ZNF713: variants seen among roughly 807,000 people sequenced by gnomAD.
ZNF713 encodes zinc finger protein 713.
In ZNF713, 21 loss-of-function variants were observed where a neutral mutation model predicts 28.7. That is an observed-to-expected ratio of 0.73 (90% CI 0.52 to 1.05). The LOEUF is 1.05. Ranked by LOEUF, ZNF713 falls within the 50% of genes least tolerant of loss-of-function variation. The pLI is 0.00. For missense variants in ZNF713, 458 were observed against 532.4 expected (o/e 0.86, Z 1.37); for synonymous variants, 167 against 178.0 (o/e 0.94, Z 0.49).
At chr7:55,905,916 A>G (rs1785669636) in intron 1 of ZNF713, among the ~76,000 whole-genome samples, 1 of 151,936 alleles carries the variant, frequency 6.6e-6, no homozygotes, top group Non-Finnish European at 1.5e-5. Context: ...ATCCTGGCCA[A>G]CATGATGAAA....
intron 6 of ZNF713, among the ~76,000 whole-genome samples, chr7:55,933,161 C>G (rs1300322468): frequency 1.3e-5 from 2 of 151,154 alleles, no homozygotes; most frequent in African/African-American, 4.9e-5. Flanking sequence ...AATTTAAACC[C>G]AGGAGGCAGA....
At chr7:55,919,314 G>A (rs1040119022) in intron 4 of ZNF713, among the ~76,000 whole-genome samples, 1 of 152,230 alleles carries the variant, frequency 6.6e-6, no homozygotes, top group Middle Eastern at 3.4e-3. Flanking sequence ...GAAGGATCCA[G>A]GGCAATGCCT....
At chr7:55,897,563 A>G (rs1785496893) in intron 1 of ZNF713, among the ~76,000 whole-genome samples, 1 of 152,124 alleles carries the variant, frequency 6.6e-6, no homozygotes, top group South Asian at 2.1e-4. Flanking sequence ...TTACAAGCAT[A>G]CAAGCATGAG....
At position 55,939,322 on chromosome 7, in the gene ZNF713, C is replaced by G. The variant is rs769949326; in HGVS notation, c.648C>G (p.Ile216Met). The change falls in exon 7 of 7, where the codon ATC becomes ATG. Residue 216 changes from isoleucine to methionine, a missense_variant. Transcript: ENST00000429591. ...PLNSDTQGNS[I>M]KHNSDLIYYQ... ...ATTCTGACACACAGGGAAACAGCAT[C>G]AAACATAATTCAGACTTGATTTACT... 13 of 1,614,078 alleles carry G rather than the reference C, an allele frequency of 8.1e-6. No homozygotes were observed. The highest frequency in any genetic ancestry group is 1.1e-5 in the Non-Finnish European group (13 of 1,179,994).
In ZNF713 at chr7:55,936,264, C is replaced by CAAAAA. The variant is rs5884432; in HGVS notation, c.308-2705_308-2701dup. Among the ~76,000 whole-genome samples the CAAAAA allele has an allele frequency of 3.6e-4, 47 of 130,682 alleles. No homozygotes were observed. In the East Asian group the frequency reaches 5.2e-3, roughly 14 times the overall value. The allele number at this position is 130,682 out of a possible 152,430, so 85.7% of individuals were successfully genotyped here. A position where few individuals can be genotyped will look rare whatever the true frequency, so the allele number is the denominator to read the frequency against. The stretch of plus-strand genomic sequence containing the variant: ...TGGGCAACAGAATGAGACTCTGTCC[C>CAAAAA]AAAAAAAAAAAAAAAAATCTGAGAG... On this transcript the variant is annotated intron_variant, in intron 6 of 6. Coordinates refer to ENST00000429591, the MANE Select transcript of ZNF713 (RefSeq NM_182633.3).
chr7:55,887,730 GGA>G (rs1562731008), intron 1 of ZNF713, 50 bp downstream of exon 1: 294 of 5,764 alleles, frequency 0.051, 81 homozygotes, highest in African/African-American at 0.25. Context: ...GGCGGGGGGC[GGA>G]GGCGGGGGGC....
At chr7:55,893,754 A>G (rs1208927863) in intron 1 of ZNF713, among the ~76,000 whole-genome samples, 3 of 151,862 alleles carry the variant, frequency 2.0e-5, no homozygotes, top group Non-Finnish European at 4.4e-5. Context: ...TAATTTTTAT[A>G]TTTTTAGTAG....
At chr7:55,914,869 T>TTTTA (rs201054024) in intron 4 of ZNF713, among the ~76,000 whole-genome samples, 6,166 of 152,264 alleles carry the variant, frequency 0.04, 145 homozygotes, top group Admixed American at 0.058. Context: ...ATTTTATTTT[T>TTTTA]TTTGAGACAG....
intron 1 of ZNF713, among the ~76,000 whole-genome samples, chr7:55,899,006 T>G (rs1785522805): frequency 1.3e-5 from 2 of 152,114 alleles, no homozygotes; most frequent in South Asian, 4.1e-4. Context: ...ATGCACTGTT[T>G]GTGGGAATGT....
chr7:55,889,709 A>G (rs1279926122), intron 1 of ZNF713, among the ~76,000 whole-genome samples: 1 of 151,982 alleles, frequency 6.6e-6, no homozygotes, highest in East Asian at 1.9e-4. Flanking sequence ...CCAAAAAAGC[A>G]GTTTAATTTG....
intron 4 of ZNF713, among the ~76,000 whole-genome samples, chr7:55,917,718 GAAAA>G (rs1161130463): frequency 6.8e-6 from 1 of 146,016 alleles, no homozygotes; most frequent in Non-Finnish European, 1.5e-5. Flanking sequence ...AAAAAAAAAA[GAAAA>G]AAAATTTTAA....
intron 4 of ZNF713, among the ~76,000 whole-genome samples, chr7:55,919,945 G>GAA (rs768766375): frequency 6.6e-5 from 10 of 151,994 alleles, no homozygotes; most frequent in Non-Finnish European, 1.5e-4. Context: ...TACATGCTAT[G>GAA]AACAGCACTC....
intron 2 of ZNF713, among the ~76,000 whole-genome samples, chr7:55,908,135 GTTTTTTTTTTTTTT>G (rs71015120): frequency 0.084 from 4,610 of 54,952 alleles, 275 homozygotes; most frequent in African/African-American, 0.24. Context: ...ATCCGTTGTT[GTTTTTTTTTTTTTT>G]TTTTTTTTTT....
intron 6 of ZNF713, among the ~76,000 whole-genome samples, chr7:55,927,274 C>T (rs921216209): frequency 1.3e-5 from 2 of 152,154 alleles, no homozygotes; most frequent in African/African-American, 2.4e-5. Context: ...CAGTGGCTCA[C>T]GCCTAGCACT....
chr7:55,923,897 T>G (rs1021289306), intron 6 of ZNF713, 198 bp downstream of exon 6: 9 of 404,870 alleles, frequency 2.2e-5, no homozygotes, highest in South Asian at 3.8e-5. Context: ...TAATATACAC[T>G]TATATTGTTT....
At position 55,908,717 on chromosome 7, in the gene ZNF713, G is replaced by A. The variant is rs539263704; in HGVS notation, c.-456+2338G>A. Among the ~76,000 whole-genome samples, 10 of 152,098 alleles carry A rather than the reference G, an allele frequency of 6.6e-5. No individual in the cohort carries two copies. In the East Asian group the frequency reaches 9.7e-4, roughly 15 times the overall value. ...CTGTGTTGAAAATTTCTTTTGCAGTGCAGAAACTTCTTAAGTCCCAGTTCT... is the reference window on the plus strand; with the variant it reads ...CTGTGTTGAAAATTTCTTTTGCAGTACAGAAACTTCTTAAGTCCCAGTTCT... On this transcript the variant is annotated intron_variant, in intron 2 of 6. Coordinates refer to ENST00000429591, the MANE Select transcript of ZNF713 (RefSeq NM_182633.3).
chr7:55,938,068 A>G (rs1292846750), intron 6 of ZNF713, among the ~76,000 whole-genome samples: 2 of 151,992 alleles, frequency 1.3e-5, no homozygotes, highest in Non-Finnish European at 2.9e-5. Context: ...GCTGGGTGTG[A>G]TGGTACATAC....
intron 4 of ZNF713, among the ~76,000 whole-genome samples, chr7:55,917,885 A>G (rs931593266): frequency 1.5e-4 from 23 of 152,186 alleles, no homozygotes; most frequent in African/African-American, 5.5e-4. Flanking sequence ...GATATTTTCC[A>G]CAAGTATAAC....
chr7:55,929,966 A>G (rs1281896116), intron 6 of ZNF713, among the ~76,000 whole-genome samples: 1 of 152,182 alleles, frequency 6.6e-6, no homozygotes, highest in Non-Finnish European at 1.5e-5. Flanking sequence ...AATGGAGGAA[A>G]ATATTTTCAA....
Sources: gnomAD v4.1 joint callset for allele counts (sites outside exome capture counted in the v4.1 genomes callset) on GRCh38, gnomAD v4.1.1 for gene constraint, MANE v1.5 for transcripts, NCBI Gene and HGNC (gene_info 2026-07-23, HGNC 2026-07-21) for gene names.